Variants in SLC4A8 observed in about 807,000 individuals in gnomAD.
SLC4A8 encodes the protein electroneutral sodium bicarbonate exchanger 1.
Under a neutral mutation model 125.0 loss-of-function variants are expected in SLC4A8, and 40 were observed. The ratio of observed to expected loss-of-function variants is 0.32; its 90% CI spans 0.25 to 0.42. The LOEUF (loss-of-function observed/expected upper bound fraction) is 0.42. SLC4A8 is among the 10% of genes least tolerant of loss of function. The pLI, the probability that SLC4A8 is intolerant of heterozygous loss-of-function variation, is 1.00. For synonymous variants in SLC4A8, 456 were observed against 476.0 expected (o/e 0.96, Z 0.55); for missense variants, 863 against 1,355.1 (o/e 0.64, Z 5.70).
chr12:51,480,774 A>G (rs1357257588), intron 16 of SLC4A8, among the ~76,000 whole-genome samples: 1 of 152,234 alleles, frequency 6.6e-6, no homozygotes, highest in Non-Finnish European at 1.5e-5. Flanking sequence ...TGTTTCTTCA[A>G]TATTTTGGAG....
rs1021379261 is a variant in SLC4A8, at chr12:51,448,231, G to A, written c.131-2645G>A. Among the ~76,000 whole-genome samples, 67 of 152,196 alleles carry A rather than the reference G, an allele frequency of 4.4e-4. 2 individuals are homozygous for A. Among genetic ancestry groups the A allele is most frequent in the Non-Finnish European group, 1.2e-4 (8 of 68,040 alleles). ...TGTTTGCAGGGTTAATTTAATGTGA[G>A]AGGCAGGAAGGGGCCCCTGCTTTGT... On this transcript the variant is annotated intron_variant, in intron 2 of 24. Transcript: ENST00000453097.
At position 51,512,191 on chromosome 12, in the gene SLC4A8, A is replaced by G. The variant is rs1365609626; in HGVS notation, c.*4753A>G. On this transcript the variant is annotated 3_prime_UTR_variant, in exon 25 of 25. Coordinates refer to ENST00000453097, the MANE Select transcript of SLC4A8 (RefSeq NM_001039960.3). ...TCATTGTGCACTTTGTTAATTTGGTATGGTGGTGCCACACATTATCACTGT... is the reference window on the plus strand; with the variant it reads ...TCATTGTGCACTTTGTTAATTTGGTGTGGTGGTGCCACACATTATCACTGT... 1 of 152,182 alleles carries G rather than the reference A, an allele frequency of 6.6e-6. No individual in the cohort carries two copies. Among genetic ancestry groups the G allele is most frequent in the Non-Finnish European group, 1.5e-5 (1 of 68,030 alleles). The allele number at this position is 152,182 out of a possible 1,614,324, so 9.4% of individuals were successfully genotyped here. A position where few individuals can be genotyped will look rare whatever the true frequency, so the allele number is the denominator to read the frequency against.
chr12:51,461,839 C>G (rs1473255991), intron 9 of SLC4A8: 3 of 202,342 alleles, frequency 1.5e-5, no homozygotes, highest in Non-Finnish European at 3.0e-5. Context: ...AAGGCATATG[C>G]CTTAGGCGGC....
At chr12:51,392,782 C>T (rs551537027) in intron 1 of SLC4A8, 2 of 152,150 alleles carry the variant, frequency 1.3e-5, no homozygotes, top group South Asian at 4.1e-4. Context: ...AGCCGGTGTT[C>T]GGAATTACCC....
In SLC4A8 at chr12:51,498,608, C is replaced by T. The variant is rs1337498565; in HGVS notation, c.3081+1484C>T. ...TAAAAATAGTAATATAGGCTGGGCGCGGTGGCTCATGCCTATAATCCCAGC... is the reference window on the plus strand; with the variant it reads ...TAAAAATAGTAATATAGGCTGGGCGTGGTGGCTCATGCCTATAATCCCAGC... On this transcript the variant is annotated intron_variant, in intron 22 of 24. Coordinates refer to ENST00000453097, the MANE Select transcript of SLC4A8 (RefSeq NM_001039960.3). Among the ~76,000 whole-genome samples, 14 of 149,984 alleles carry T rather than the reference C, an allele frequency of 9.3e-5. No individual in the cohort carries two copies. In the East Asian group the frequency reaches 1.4e-3, roughly 15 times the overall value.
upstream of SLC4A8, among the ~76,000 whole-genome samples, chr12:51,422,694 C>T (rs568534772): frequency 6.6e-6 from 1 of 152,324 alleles, no homozygotes; most frequent in South Asian, 2.1e-4. Flanking sequence ...TTACCTCCCA[C>T]TGCTCTTCTC....
intron 1 of SLC4A8, among the ~76,000 whole-genome samples, chr12:51,407,262 C>CT (rs1473803886): frequency 6.6e-6 from 1 of 152,018 alleles, no homozygotes; most frequent in African/African-American, 2.4e-5. Context: ...TGCTTGCTTG[C>CT]TTTTTCGTTT....
At position 51,475,254 on chromosome 12, in the gene SLC4A8, CAG is replaced by C. The variant is rs749706709; in HGVS notation, c.2172+50_2172+51del. ...TCTTTCACGTTAGAATCAAATATAACAGAACCTTTTCTCAGCCTTCATGCTGC... is the reference window on the plus strand; with the variant it reads ...TCTTTCACGTTAGAATCAAATATAACAACCTTTTCTCAGCCTTCATGCTGC... On this transcript the variant is annotated intron_variant, in intron 16 of 24. Coordinates refer to ENST00000453097, the MANE Select transcript of SLC4A8 (RefSeq NM_001039960.3). The C allele has an allele frequency of 2.6e-4, 405 of 1,580,748 alleles. 5 individuals carry two copies. In the Middle Eastern group the frequency reaches 6.9e-3, roughly 27 times the overall value.
Position 51,494,978 on chromosome 12 carries a change from G to T in SLC4A8, c.2803G>T (p.Ala935Ser). ...TCGTCTAAAGCTCTTTGGGATGCCC[G>T]CAAAGCACCAGCCAGATTTCATCTA... ...FDRLKLFGMP[A>S]KHQPDFIYLR... is the part of the protein sequence containing the mutation. Residue 935 changes from alanine to serine, a missense_variant, in exon 21 of 25, where the codon GCA becomes TCA. Coordinates refer to ENST00000453097, the MANE Select transcript of SLC4A8 (RefSeq NM_001039960.3). 1 of 1,614,062 alleles carries T rather than the reference G, an allele frequency of 6.2e-7. No individual in the cohort carries two copies. The highest frequency in any genetic ancestry group is 8.5e-7 in the Non-Finnish European group (1 of 1,179,988).
chr12:51,392,327 A>T (rs1468897074), intron 1 of SLC4A8, among the ~76,000 whole-genome samples: 1 of 152,090 alleles, frequency 6.6e-6, no homozygotes, highest in Non-Finnish European at 1.5e-5. Context: ...TAATCCCAGT[A>T]CTTTGGGAGG....
intron 10 of SLC4A8, among the ~76,000 whole-genome samples, chr12:51,463,340 C>T (rs1950402396): frequency 6.6e-6 from 1 of 151,890 alleles, no homozygotes; most frequent in Non-Finnish European, 1.5e-5. Flanking sequence ...ATGCCAAAGC[C>T]CCATTTTTCT....
At chr12:51,412,320 A>G (rs542632761) in intron 1 of SLC4A8, among the ~76,000 whole-genome samples, 10 of 152,254 alleles carry the variant, frequency 6.6e-5, no homozygotes, top group African/African-American at 1.9e-4. Context: ...TAATAATTAT[A>G]TATATTTATG....
chr12:51,486,189 G>C (rs751194593), intron 17 of SLC4A8, among the ~76,000 whole-genome samples: 1 of 152,050 alleles, frequency 6.6e-6, no homozygotes, highest in South Asian at 2.1e-4. Context: ...TTAAACAATG[G>C]AATGTGCACA....
intron 1 of SLC4A8, among the ~76,000 whole-genome samples, chr12:51,401,814 G>GCCCCACTCCCATATCAACTCTT (rs1344670117): frequency 1.7e-4 from 26 of 152,040 alleles, no homozygotes; most frequent in African/African-American, 6.0e-4. Context: ...GCACTTCCCT[G>GCCCCACTCCCATATCAACTCTT]CCCCACTCCC....
Position 51,440,736 on chromosome 12 carries a change from A to G in SLC4A8, c.77A>G (p.Gln26Arg), listed in dbSNP as rs1307235113. 1.9e-6 allele frequency: 3 copies of G among 1,611,810 alleles called. No individual in the cohort carries two copies. The highest frequency in any genetic ancestry group is 2.5e-6 in the Non-Finnish European group (3 of 1,179,272). Residue 26 changes from glutamine to arginine, a missense_variant, in exon 2 of 25, where the codon CAG becomes CGG. Gln to Arg is a conservative substitution (Grantham distance 43). This residue lies in a region of SLC4A8 where 104 missense variants were observed against 116.4 expected (regional missense o/e 0.89). Transcript: ENST00000453097. ...QRPDEEAVVD[Q>R]GGTSTILNIH... is the part of the protein sequence containing the mutation. Reference sequence around the variant, plus strand: ...CCAGATGAAGAAGCTGTGGTGGATCAGGGTGGGACCAGTACAATTCTCAAC... The same window carrying G: ...CCAGATGAAGAAGCTGTGGTGGATCGGGGTGGGACCAGTACAATTCTCAAC...
At chr12:51,478,397 CT>C (rs1243095157) in intron 16 of SLC4A8, among the ~76,000 whole-genome samples, 1 of 152,018 alleles carries the variant, frequency 6.6e-6, no homozygotes, top group Non-Finnish European at 1.5e-5. Context: ...CGAGATCACT[CT>C]ACTGCACTCC....
intron 2 of SLC4A8, among the ~76,000 whole-genome samples, chr12:51,443,478 T>C (rs1472447152): frequency 2.0e-5 from 3 of 152,112 alleles, no homozygotes; most frequent in African/African-American, 7.2e-5. Flanking sequence ...AAAGATGAAC[T>C]CAAGAAGAGC....
rs556037159 is a variant in SLC4A8, at chr12:51,489,732, G to C, written c.2481G>C (p.Met827Ile). 2 of 1,614,180 alleles carry C rather than the reference G, an allele frequency of 1.2e-6. No individual in the cohort carries two copies. Among genetic ancestry groups the C allele is most frequent in the African/African-American group, 2.7e-5 (2 of 75,050 alleles). ...GTGGCTACCACCTGGACCTACTGATGGTGGCCATCATGCTGGGTGTCTGCT... is the reference window on the plus strand; with the variant it reads ...GTGGCTACCACCTGGACCTACTGATCGTGGCCATCATGCTGGGTGTCTGCT... The part of the protein sequence containing the change: ...KGCGYHLDLL[M>I]VAIMLGVCSI... Residue 827 changes from methionine to isoleucine, a missense_variant, in exon 19 of 25, where the codon ATG becomes ATC. By Grantham distance (10) the Met-to-Ile change is conservative. This residue lies in a region of SLC4A8 where 197 missense variants were observed against 377.7 expected (regional missense o/e 0.52). Transcript: ENST00000453097.
intron 6 of SLC4A8, among the ~76,000 whole-genome samples, chr12:51,457,854 C>G (rs533285372): frequency 1.3e-5 from 2 of 152,182 alleles, no homozygotes; most frequent in South Asian, 4.2e-4. Flanking sequence ...TAAACTGGAG[C>G]TTTTTAGGAG....
Sources: gnomAD v4.1 joint callset for allele counts (sites outside exome capture counted in the v4.1 genomes callset) on GRCh38, gnomAD v4.1.1 for gene constraint, gnomAD v4.1.1 regional missense constraint, MANE v1.5 for transcripts, NCBI Gene and HGNC (gene_info 2026-07-23, HGNC 2026-07-21) for gene names.